EMP2: variants seen among roughly 807,000 people sequenced by gnomAD.
The protein encoded by EMP2 is epithelial membrane protein 2.
Under a neutral mutation model 13.7 loss-of-function variants are expected in EMP2, and 19 were observed. The observed-to-expected ratio is 1.38, with a 90% CI of 0.97 to 2.03. EMP2 has a LOEUF of 2.03. Among genes scored for constraint, EMP2 ranks in the 30% most tolerant of loss-of-function variants. EMP2 has a pLI of 0.00. For synonymous variants in EMP2, 97 were observed against 84.7 expected, an observed-to-expected ratio of 1.15 and a Z score of -0.80; for missense variants, 253 against 220.7, an observed-to-expected ratio of 1.15 and a Z score of -0.93.
intron 1 of EMP2, among the ~76,000 whole-genome samples, chr16:10,574,623 A>G (rs931698189): frequency 1.2e-4 from 19 of 152,022 alleles, no homozygotes; most frequent in Admixed American, 2.6e-4. Flanking sequence ...CAATGGCACA[A>G]TCTCGGCTCA....
chr16:10,534,179 AT>A (rs1357699980), intron 4 of EMP2, among the ~76,000 whole-genome samples: 1 of 152,124 alleles, frequency 6.6e-6, no homozygotes, highest in Non-Finnish European at 1.5e-5. Context: ...GCTTTTTTAA[AT>A]TGCTCTCCTT....
rs908282686 is a variant in EMP2 at position 10,531,050 on chromosome 16, C to G, written c.*1855G>C. On this transcript the variant is annotated 3_prime_UTR_variant, in exon 5 of 5. Transcript: ENST00000359543. ...TGCAGTGGTGAATCTCGGCTCACTG[C>G]GACCTCCGCCTCCCAGTTTCAAGCG... 2 of 152,206 alleles carry G rather than the reference C, an allele frequency of 1.3e-5. No homozygotes were observed. The highest frequency in any genetic ancestry group is 2.9e-5 in the Non-Finnish European group (2 of 68,072). 9.4% of individuals were successfully genotyped at this position (152,206 alleles called of 1,614,324 possible). A position where few individuals can be genotyped will look rare whatever the true frequency, so the allele number is the denominator to read the frequency against.
intron 1 of EMP2, among the ~76,000 whole-genome samples, chr16:10,570,563 A>G (rs901324568): frequency 2.0e-5 from 3 of 151,964 alleles, no homozygotes; most frequent in Non-Finnish European, 4.4e-5. Context: ...ACACCTGGCT[A>G]ATTTTTGTAT....
At position 10,532,605 on chromosome 16, in the gene EMP2, G is replaced by A. The variant is rs2050612462; in HGVS notation, c.*300C>T. 5.6e-6 allele frequency: 1 copy of A among 179,880 alleles called. No homozygotes were observed. The highest frequency in any genetic ancestry group is 1.2e-5 in the Non-Finnish European group (1 of 86,806). The allele number at this position is 179,880 out of a possible 1,614,324, so 11.1% of individuals were successfully genotyped here. ...CCATGGTTAAGAAATGTCCTGCCGAGTGCTTTTGGATTTGAGCATTGCTGG... is the reference window on the plus strand; with the variant it reads ...CCATGGTTAAGAAATGTCCTGCCGAATGCTTTTGGATTTGAGCATTGCTGG... On this transcript the variant is annotated 3_prime_UTR_variant, in exon 5 of 5. Coordinates refer to ENST00000359543, the MANE Select transcript of EMP2 (RefSeq NM_001424.6).
At chr16:10,553,568 G>A (rs1188473609) in intron 1 of EMP2, among the ~76,000 whole-genome samples, 1 of 151,722 alleles carries the variant, frequency 6.6e-6, no homozygotes, top group Non-Finnish European at 1.5e-5. Context: ...GCTAGTAGGG[G>A]ACAAGAGTGT....
intron 2 of EMP2, chr16:10,545,488 C>G (rs2050732487): frequency 6.6e-6 from 1 of 152,378 alleles, no homozygotes; most frequent in African/African-American, 2.4e-5. Flanking sequence ...TGCCTCCTGT[C>G]AGGTCACCAG....
At chr16:10,575,882 T>C (rs993304916) in intron 1 of EMP2, among the ~76,000 whole-genome samples, 4 of 151,980 alleles carry the variant, frequency 2.6e-5, no homozygotes, top group Non-Finnish European at 2.9e-5. Flanking sequence ...AAGCTGAACA[T>C]AGGGGCCTCT....
chr16:10,548,087 C>T (rs2050753799), intron 1 of EMP2, among the ~76,000 whole-genome samples: 1 of 152,132 alleles, frequency 6.6e-6, no homozygotes, highest in Non-Finnish European at 1.5e-5. Context: ...AAACAGTGCT[C>T]CCCATCTTTA....
At chr16:10,534,218 C>A (rs1037355395) in intron 4 of EMP2, among the ~76,000 whole-genome samples, 1 of 151,922 alleles carries the variant, frequency 6.6e-6, no homozygotes, top group Non-Finnish European at 1.5e-5. Flanking sequence ...TAAATATTGT[C>A]GGGGCAGGAT....
intron 1 of EMP2, among the ~76,000 whole-genome samples, chr16:10,554,213 G>T (rs2050810614): frequency 6.6e-6 from 1 of 152,136 alleles, no homozygotes; most frequent in African/African-American, 2.4e-5. Context: ...TGTATTTTTA[G>T]TAAAGACAGG....
intron 1 of EMP2, among the ~76,000 whole-genome samples, chr16:10,548,930 G>C (rs1303846879): frequency 6.6e-6 from 1 of 152,128 alleles, no homozygotes; most frequent in Non-Finnish European, 1.5e-5. Flanking sequence ...TTCATGACAT[G>C]GCCATTTCCA....
At chr16:10,538,394 AG>A (rs1182869302) in intron 3 of EMP2, among the ~76,000 whole-genome samples, 1 of 152,164 alleles carries the variant, frequency 6.6e-6, no homozygotes, top group African/African-American at 2.4e-5. Flanking sequence ...AATCTTTTGA[AG>A]GACAAACCTC....
chr16:10,559,957 G>C (rs7203992), intron 1 of EMP2, among the ~76,000 whole-genome samples: 6,772 of 152,240 alleles, frequency 0.044, 205 homozygotes, highest in African/African-American at 0.083. Flanking sequence ...TTACAGGCGT[G>C]AGCCACCGTG....
At chr16:10,569,794 T>C (rs935143981) in intron 1 of EMP2, among the ~76,000 whole-genome samples, 1 of 152,132 alleles carries the variant, frequency 6.6e-6, no homozygotes, top group East Asian at 1.9e-4. Flanking sequence ...ACTCTGGGTG[T>C]GTCGATGATT....
chr16:10,553,694 C>A (rs559129651), intron 1 of EMP2, among the ~76,000 whole-genome samples: 1 of 152,362 alleles, frequency 6.6e-6, no homozygotes, highest in East Asian at 1.9e-4. Context: ...ACGAATCCAC[C>A]TCATTCCTTG....
At chr16:10,550,074 C>T (rs2050774445) in intron 1 of EMP2, among the ~76,000 whole-genome samples, 1 of 151,824 alleles carries the variant, frequency 6.6e-6, no homozygotes, top group South Asian at 2.1e-4. Flanking sequence ...TTAGTACAGA[C>T]AGGGTTTCAC....
intron 3 of EMP2, 24 bp downstream of exon 3, chr16:10,543,546 T>G: frequency 6.2e-7 from 1 of 1,612,522 alleles, no homozygotes; most frequent in Non-Finnish European, 8.5e-7. Context: ...TGCTTCTCAG[T>G]CAGCTTCCTT....
intron 1 of EMP2, among the ~76,000 whole-genome samples, chr16:10,571,186 G>T (rs13337763): frequency 2.6e-4 from 39 of 148,484 alleles, no homozygotes; most frequent in African/African-American, 8.9e-4. Context: ...GAACCAGGGA[G>T]TCGGCGGCTG....
chr16:10,559,043 T>G (rs1288155056), intron 1 of EMP2: 1 of 152,282 alleles, frequency 6.6e-6, no homozygotes, highest in Non-Finnish European at 1.5e-5. Context: ...AATTCAGAAG[T>G]GTTCCACCCA....
Sources: allele counts gnomAD v4.1 joint callset (sites outside exome capture counted in the v4.1 genomes callset), GRCh38; gene constraint gnomAD v4.1.1; transcripts MANE v1.5; gene names NCBI Gene and HGNC (gene_info 2026-07-23, HGNC 2026-07-21).